ASTN2: variants seen among roughly 807,000 people sequenced by gnomAD.
ASTN2 encodes astrotactin 2, also known as astrotactin-2.
In ASTN2, 54 loss-of-function variants were observed where a neutral mutation model predicts 139.8. The observed-to-expected ratio is 0.39, with a 90% CI of 0.31 to 0.48. ASTN2 has a LOEUF of 0.48. ASTN2 is among the 20% of genes least tolerant of loss of function. ASTN2 has a pLI of 0.95. For synonymous variants in ASTN2, 756 were observed against 719.5 expected, an observed-to-expected ratio of 1.05 and a Z score of -0.81; for missense variants, 1,565 against 1,725.1, an observed-to-expected ratio of 0.91 and a Z score of 1.64.
intron 2 of ASTN2, among the ~76,000 whole-genome samples, chr9:117,243,497 A>G (rs1833276258): frequency 6.6e-6 from 1 of 152,204 alleles, no homozygotes; most frequent in Admixed American, 6.5e-5. Context: ...AACCATTAAT[A>G]ATCCTGGAAG....
intron 1 of ASTN2, among the ~76,000 whole-genome samples, chr9:117,316,060 T>A (rs971676756): frequency 5.3e-5 from 8 of 152,200 alleles, no homozygotes; most frequent in Non-Finnish European, 1.0e-4. Flanking sequence ...ATCTTGCAGA[T>A]GAAAAAACTA....
chr9:117,086,472 G>C (rs1828564568), intron 5 of ASTN2, among the ~76,000 whole-genome samples: 2 of 152,164 alleles, frequency 1.3e-5, no homozygotes, highest in Non-Finnish European at 2.9e-5. Flanking sequence ...TACTTGGGAG[G>C]CTGAGGCAGG....
intron 2 of ASTN2, among the ~76,000 whole-genome samples, chr9:117,221,453 C>T (rs563541059): frequency 5.9e-5 from 9 of 152,272 alleles, no homozygotes; most frequent in South Asian, 4.2e-4. Context: ...ATGTGTCATT[C>T]AGAAACTGAT....
intron 19 of ASTN2, among the ~76,000 whole-genome samples, chr9:116,571,472 CT>C (rs1291568060): frequency 2.6e-5 from 4 of 152,140 alleles, no homozygotes; most frequent in Non-Finnish European, 5.9e-5. Context: ...ATTACAAGTG[CT>C]TTTGATCCAT....
intron 19 of ASTN2, among the ~76,000 whole-genome samples, chr9:116,518,237 A>C (rs1173219742): frequency 6.6e-6 from 1 of 152,220 alleles, no homozygotes; most frequent in Non-Finnish European, 1.5e-5. Flanking sequence ...CAAAGGAAAG[A>C]ATCTTCAGAG....
chr9:117,158,061 T>C (rs1830468693), intron 3 of ASTN2, among the ~76,000 whole-genome samples: 1 of 152,012 alleles, frequency 6.6e-6, no homozygotes, highest in African/African-American at 2.4e-5. Flanking sequence ...CCCAATTTAA[T>C]ACAACAGTGT....
chr9:117,155,377 C>G (rs554643984), intron 3 of ASTN2, among the ~76,000 whole-genome samples: 1 of 152,062 alleles, frequency 6.6e-6, no homozygotes, highest in East Asian at 1.9e-4. Flanking sequence ...TAATAGAGAT[C>G]CATCCTAGGG....
Position 117,240,285 on chromosome 9 carries a change from T to C in ASTN2, c.631-25543A>G, listed in dbSNP as rs1564498480. Reference sequence around the variant, plus strand: ...CCTCATAAATTTGTGACACTCTTGGTAAGTGGCAAAGCTGAGATTTGAATC... The same window carrying C: ...CCTCATAAATTTGTGACACTCTTGGCAAGTGGCAAAGCTGAGATTTGAATC... On this transcript the variant is annotated intron_variant, in intron 2 of 22. Transcript: ENST00000313400. Among the ~76,000 whole-genome samples, 3 of 152,150 alleles carry C rather than the reference T, an allele frequency of 2.0e-5. No homozygotes were observed. The South Asian group carries it at 6.2e-4, about 32-fold the overall frequency.
At chr9:116,760,538 G>T (rs73519435) in intron 13 of ASTN2, among the ~76,000 whole-genome samples, 2 of 152,228 alleles carry the variant, frequency 1.3e-5, no homozygotes, top group Non-Finnish European at 2.9e-5. Flanking sequence ...TGTGACTTGG[G>T]AACAATGGGA....
intron 3 of ASTN2, among the ~76,000 whole-genome samples, chr9:117,147,015 C>G (rs9299245): frequency 2.6e-5 from 4 of 152,154 alleles, no homozygotes; most frequent in Admixed American, 2.0e-4. Flanking sequence ...TACCGTACCC[C>G]ATAAGTCTGT....
chr9:117,083,366 G>A (rs558588386), intron 5 of ASTN2, among the ~76,000 whole-genome samples: 5 of 152,244 alleles, frequency 3.3e-5, no homozygotes, highest in African/African-American at 1.2e-4. Flanking sequence ...AACCCTGTGA[G>A]ATAGGATTAT....
intron 16 of ASTN2, among the ~76,000 whole-genome samples, chr9:116,712,138 G>C (rs1270816097): frequency 1.3e-5 from 2 of 152,006 alleles, no homozygotes; most frequent in Admixed American, 6.6e-5. Flanking sequence ...CTAGAGCTTT[G>C]CTCCATCCAC....
At chr9:116,434,630 T>C (rs1404402642) in intron 22 of ASTN2, among the ~76,000 whole-genome samples, 2 of 152,218 alleles carry the variant, frequency 1.3e-5, no homozygotes, top group Non-Finnish European at 2.9e-5. Context: ...GTGTCCTCTC[T>C]ACCAATATGC....
chr9:116,632,198 A>AAGAG (rs1856809177), intron 17 of ASTN2, among the ~76,000 whole-genome samples: 4 of 36,766 alleles, frequency 1.1e-4, no homozygotes, highest in Admixed American at 3.5e-4. Context: ...GAGAGAGAGA[A>AAGAG]AGAAAGAAAA....
In ASTN2 at chr9:117,077,750, TAAC is replaced by T. The variant is rs199976257; in HGVS notation, c.1276+18291_1276+18293del. 4.9e-4 allele frequency among the ~76,000 whole-genome samples: 75 copies of T among 151,936 alleles called. 5 individuals carry two copies. The highest frequency in any genetic ancestry group is 1.6e-3 in the African/African-American group (68 of 41,456). ...GTGACAGAGCAAGACTCTGTCTAAA[TAAC>T]AACAACAACAACAAAACAAAAACAG... On this transcript the variant is annotated intron_variant, in intron 5 of 22. Transcript: ENST00000313400.
At chr9:117,151,978 T>C (rs1830335806) in intron 3 of ASTN2, among the ~76,000 whole-genome samples, 1 of 152,054 alleles carries the variant, frequency 6.6e-6, no homozygotes, top group Admixed American at 6.6e-5. Flanking sequence ...TGTAGGGATC[T>C]GGACAGACTT....
intron 19 of ASTN2, chr9:116,562,421 A>C (rs1451910512): frequency 6.6e-6 from 1 of 152,096 alleles, no homozygotes; most frequent in Non-Finnish European, 1.5e-5. Context: ...AGGAGAGGTG[A>C]GCATAACCTT....
chr9:117,270,878 A>G (rs1181114743), intron 2 of ASTN2, among the ~76,000 whole-genome samples: 2 of 152,230 alleles, frequency 1.3e-5, no homozygotes, highest in African/African-American at 4.8e-5. Flanking sequence ...TTTTGTCAAC[A>G]TAGAGTTGAT....
intron 2 of ASTN2, among the ~76,000 whole-genome samples, chr9:117,262,218 C>A (rs570171404): frequency 6.6e-5 from 10 of 152,006 alleles, no homozygotes; most frequent in African/African-American, 2.4e-4. Flanking sequence ...AAGGAGGAGG[C>A]CACACCATTA....
Sources: gnomAD v4.1 joint callset for allele counts (sites outside exome capture counted in the v4.1 genomes callset) on GRCh38, gnomAD v4.1.1 for gene constraint, MANE v1.5 for transcripts, NCBI Gene and HGNC (gene_info 2026-07-23, HGNC 2026-07-21) for gene names.